The following FRMPD4 variants were observed in gnomAD, a reference collection of about 807,000 sequenced individuals.
FRMPD4 encodes FERM and PDZ domain containing 4, also known as FERM and PDZ domain-containing protein 4.
FRMPD4 carries 22 observed loss-of-function variants against 94.1 expected under a neutral mutation model. That is an observed-to-expected ratio of 0.23 (90% CI 0.17 to 0.33). The LOEUF is 0.33. Ranked by LOEUF, FRMPD4 falls within the 10% of genes least tolerant of loss-of-function variation. The pLI is 1.00. For synonymous variants in FRMPD4, 631 were observed against 548.6 expected (o/e 1.15, Z -2.10); for missense variants, 1,111 against 1,339.9 (o/e 0.83, Z 2.67).
intron 1 of FRMPD4, among the ~76,000 whole-genome samples, chrX:12,333,094 T>G (rs896301583): frequency 8.9e-6 from 1 of 112,093 alleles, no homozygotes; most frequent in Admixed American, 9.5e-5. Flanking sequence ...TTTCAAGCAT[T>G]ATATTATCTA....
intron 1 of FRMPD4, among the ~76,000 whole-genome samples, chrX:12,239,756 A>G (rs2057107975): frequency 8.9e-6 from 1 of 112,147 alleles, no homozygotes; most frequent in South Asian, 3.7e-4. Context: ...GGGTGCCAGC[A>G]TGGTTGGATT....
At chrX:12,542,683 AT>A (rs1372507661) in intron 2 of FRMPD4, among the ~76,000 whole-genome samples, 1 of 111,995 alleles carries the variant, frequency 8.9e-6, no homozygotes, top group Non-Finnish European at 1.9e-5. Context: ...CATAGACTCA[AT>A]GCCATCCCCA....
At position 11,908,921 on chromosome X, in the gene FRMPD4, A is replaced by G. The variant is rs1601833757; in HGVS notation, c.95+30903A>G. On this transcript the variant is annotated intron_variant, in intron 3 of 18. Transcript: ENST00000640291. ...CTAGAATAAACCCTACTCTGTCATG[A>G]CATATCCTTTTTATATGTTGCTATA... Among the ~76,000 whole-genome samples, 6 of 111,995 alleles carry G rather than the reference A, an allele frequency of 5.4e-5. No individual in the cohort carries two copies. In the South Asian group the frequency reaches 2.2e-3, roughly 41 times the overall value.
chrX:12,292,631 C>T (rs2054707439), intron 1 of FRMPD4, among the ~76,000 whole-genome samples: 1 of 111,579 alleles, frequency 9.0e-6, no homozygotes, highest in Non-Finnish European at 1.9e-5. Context: ...ACTAGCTGGC[C>T]TGCTCAGGGT....
At chrX:12,161,798 A>G (rs11797042) in intron 1 of FRMPD4, among the ~76,000 whole-genome samples, 20,485 of 111,211 alleles carry the variant, frequency 0.18, 1,300 homozygotes, top group South Asian at 0.35. Context: ...TTTTTTATAT[A>G]TATTTCTAGA....
intron 1 of FRMPD4, among the ~76,000 whole-genome samples, chrX:12,476,826 A>C (rs2057605949): frequency 8.9e-6 from 1 of 111,839 alleles, no homozygotes; most frequent in East Asian, 2.8e-4. Flanking sequence ...CAGGTGCTGG[A>C]GAGGATATGG....
At chrX:12,331,040 A>G (rs193293188) in intron 1 of FRMPD4, among the ~76,000 whole-genome samples, 78 of 111,799 alleles carry the variant, frequency 7.0e-4, no homozygotes, top group Middle Eastern at 4.6e-3. Flanking sequence ...CATTGGTTAT[A>G]GCACCACAGC....
At chrX:12,217,640 T>A (rs2056822275) in intron 1 of FRMPD4, among the ~76,000 whole-genome samples, 1 of 112,191 alleles carries the variant, frequency 8.9e-6, no homozygotes, top group Non-Finnish European at 1.9e-5. Context: ...TCTTATAAAA[T>A]TTTCCACCCA....
chrX:12,533,978 A>T (rs1346097428), intron 2 of FRMPD4, among the ~76,000 whole-genome samples: 2 of 112,877 alleles, frequency 1.8e-5, no homozygotes, highest in Admixed American at 1.9e-4. Context: ...TCTCCAGGGC[A>T]TGTCAGAGTC....
At chrX:12,337,958 AT>A (rs1286607684) in intron 1 of FRMPD4, among the ~76,000 whole-genome samples, 1 of 112,248 alleles carries the variant, frequency 8.9e-6, no homozygotes, top group South Asian at 3.7e-4. Flanking sequence ...GAAATCCAAG[AT>A]TAAAGTGCCA....
chrX:11,909,333 G>A (rs931285316), intron 3 of FRMPD4, among the ~76,000 whole-genome samples: 10 of 111,984 alleles, frequency 8.9e-5, no homozygotes, highest in Non-Finnish European at 1.7e-4. Flanking sequence ...AAAATTTATT[G>A]TTGTAACATT....
At chrX:12,311,827 A>T (rs915379757) in intron 1 of FRMPD4, among the ~76,000 whole-genome samples, 5 of 111,732 alleles carry the variant, frequency 4.5e-5, no homozygotes, top group Non-Finnish European at 9.4e-5. Context: ...CTTTAAAAAT[A>T]TATACATTTC....
intron 3 of FRMPD4, among the ~76,000 whole-genome samples, chrX:12,025,952 A>G (rs1380330606): frequency 8.9e-6 from 1 of 112,173 alleles, no homozygotes; most frequent in Non-Finnish European, 1.9e-5. Flanking sequence ...AATGTTTGTT[A>G]TTTTAAGCTG....
intron 1 of FRMPD4, among the ~76,000 whole-genome samples, chrX:12,179,145 C>T (rs2056328993): frequency 9.0e-6 from 1 of 111,632 alleles, no homozygotes; most frequent in South Asian, 3.8e-4. Flanking sequence ...CATCTCTGAT[C>T]CTCCAGGATG....
At chrX:12,483,401 A>T (rs934413333) in intron 1 of FRMPD4, among the ~76,000 whole-genome samples, 2 of 111,994 alleles carry the variant, frequency 1.8e-5, no homozygotes, top group Admixed American at 9.5e-5. Flanking sequence ...TTGCCATTCA[A>T]CATGGAGAAA....
Position 12,094,735 on chromosome X carries a change from G to A in FRMPD4, c.95+216717G>A, listed in dbSNP as rs144199170. Reference sequence around the variant, plus strand: ...TCTCATTGATAACACAGACATGACCGACATGCTCACCTACTAGCATTGTTG... The same window carrying A: ...TCTCATTGATAACACAGACATGACCAACATGCTCACCTACTAGCATTGTTG... On this transcript the variant is annotated intron_variant, in intron 3 of 18. Transcript: ENST00000640291. Among the ~76,000 whole-genome samples, 464 of 112,390 alleles carry A rather than the reference G, an allele frequency of 4.1e-3. 3 individuals carry two copies. Among genetic ancestry groups the A allele is most frequent in the African/African-American group, 0.014 (442 of 30,958 alleles).
intron 3 of FRMPD4, among the ~76,000 whole-genome samples, chrX:12,076,746 C>T (rs771168269): frequency 7.9e-4 from 87 of 110,757 alleles, no homozygotes; most frequent in African/African-American, 2.8e-3. Flanking sequence ...CTTTCCTTAG[C>T]CCTTGATGGT....
At chrX:12,562,027 C>T (rs939985226) in intron 2 of FRMPD4, among the ~76,000 whole-genome samples, 1 of 112,263 alleles carries the variant, frequency 8.9e-6, no homozygotes, top group Non-Finnish European at 1.9e-5. Flanking sequence ...TGCATTCACT[C>T]ATCAAATGTT....
chrX:12,250,897 A>G (rs2054029721), intron 1 of FRMPD4, among the ~76,000 whole-genome samples: 1 of 111,345 alleles, frequency 9.0e-6, no homozygotes, highest in African/African-American at 3.3e-5. Context: ...CTTTGCTTGT[A>G]AAGATTCCAG....
Sources: allele counts gnomAD v4.1 joint callset (sites outside exome capture counted in the v4.1 genomes callset), GRCh38; gene constraint gnomAD v4.1.1; transcripts MANE v1.5; gene names NCBI Gene and HGNC (gene_info 2026-07-23, HGNC 2026-07-21).